The following CSMD3 variants were observed in gnomAD, a reference collection of about 807,000 sequenced individuals.
CSMD3 encodes CUB and sushi domain-containing protein 3.
A neutral mutation model predicts 435.2 loss-of-function variants in CSMD3; 177 were observed. The observed-to-expected ratio is 0.41, with a 90% CI of 0.36 to 0.46. The LOEUF (loss-of-function observed/expected upper bound fraction) is 0.46, where lower values mean the gene tolerates loss of function less well. CSMD3 is among the 20% of genes least tolerant of loss of function. The probability of loss-of-function intolerance (pLI) is 0.34; values close to 1 mark genes in which losing one functional copy is unlikely to be tolerated. For synonymous variants in CSMD3, 1,656 were observed against 1,520.5 expected, an observed-to-expected ratio of 1.09 and a Z score of -2.07; for missense variants, 4,265 against 4,504.6, an observed-to-expected ratio of 0.95 and a Z score of 1.52.
intron 6 of CSMD3, among the ~76,000 whole-genome samples, chr8:112,986,438 A>T (rs1328510956): frequency 6.6e-6 from 1 of 152,128 alleles, no homozygotes; most frequent in African/African-American, 2.4e-5. Flanking sequence ...TGATGACATC[A>T]CAAGGACATC....
intron 4 of CSMD3, among the ~76,000 whole-genome samples, chr8:113,108,810 A>G (rs918308392): frequency 5.9e-5 from 9 of 152,230 alleles, no homozygotes; most frequent in African/African-American, 2.2e-4. Context: ...ATTTTAAAGC[A>G]TTCTTGAGAG....
At chr8:112,676,665 G>T (rs2075775862) in intron 16 of CSMD3, among the ~76,000 whole-genome samples, 1 of 151,914 alleles carries the variant, frequency 6.6e-6, no homozygotes, top group African/African-American at 2.4e-5. Flanking sequence ...TATTTTAAAG[G>T]CATTCACCAA....
chr8:113,109,382 A>G (rs543916440), intron 4 of CSMD3, among the ~76,000 whole-genome samples: 1 of 152,304 alleles, frequency 6.6e-6, no homozygotes, highest in East Asian at 1.9e-4. Flanking sequence ...ATTTGTGCAG[A>G]GGCAAATTGC....
At chr8:112,602,622 C>G (rs1186735692) in intron 22 of CSMD3, among the ~76,000 whole-genome samples, 1 of 150,780 alleles carries the variant, frequency 6.6e-6, no homozygotes, top group Non-Finnish European at 1.5e-5. Flanking sequence ...TTGACTTCCC[C>G]AAAACTTAAC....
intron 5 of CSMD3, among the ~76,000 whole-genome samples, chr8:113,061,017 T>G (rs574435727): frequency 6.6e-6 from 1 of 152,320 alleles, no homozygotes; most frequent in East Asian, 1.9e-4. Context: ...TGCACTCTAT[T>G]GAGATAAGTC....
intron 13 of CSMD3, among the ~76,000 whole-genome samples, chr8:112,740,155 C>T (rs1428546356): frequency 6.6e-6 from 1 of 151,576 alleles, no homozygotes; most frequent in African/African-American, 2.4e-5. Context: ...TTTGGCATAA[C>T]TTGTTCATGG....
At chr8:112,621,623 AC>A (rs1834078592) in intron 22 of CSMD3, among the ~76,000 whole-genome samples, 1 of 151,814 alleles carries the variant, frequency 6.6e-6, no homozygotes, top group Non-Finnish European at 1.5e-5. Flanking sequence ...ATTATCCCTT[AC>A]TCCTTGAAAT....
At chr8:112,577,290 A>G (rs1216337973) in intron 23 of CSMD3, among the ~76,000 whole-genome samples, 3 of 152,134 alleles carry the variant, frequency 2.0e-5, no homozygotes, top group African/African-American at 7.2e-5. Context: ...GTGTAACCAA[A>G]GATAAATTAC....
intron 31 of CSMD3, among the ~76,000 whole-genome samples, chr8:112,480,574 TAGTG>T (rs946934050): frequency 3.9e-5 from 6 of 152,148 alleles, no homozygotes; most frequent in African/African-American, 1.4e-4. Context: ...ATCCTTGCGA[TAGTG>T]AGTGAGTTCT....
At position 112,410,624 on chromosome 8, in the gene CSMD3, A is replaced by ATATGTGTATATATATATGTATATATATG. The variant is rs752875755; in HGVS notation, c.5396-1593_5396-1592insCATATATATACATATATATATACACATA. On this transcript the variant is annotated intron_variant, in intron 32 of 70. Coordinates refer to ENST00000297405, the MANE Select transcript of CSMD3 (RefSeq NM_198123.2). ...TATGTGTATATATATATGTATATAT[A>ATATGTGTATATATATATGTATATATATG]TGTGTATATATATGTATATATATAT... is the stretch of plus-strand genomic sequence containing the variant. Among the ~76,000 whole-genome samples the ATATGTGTATATATATATGTATATATATG allele has an allele frequency of 6.2e-4, 21 of 34,114 alleles. 1 individual carries two copies. The highest frequency in any genetic ancestry group is 1.2e-3 in the Non-Finnish European group (19 of 16,006). 22.4% of individuals were successfully genotyped at this position (34,114 alleles called of 152,430 possible).
At chr8:112,539,152 G>C (rs1826421271) in intron 27 of CSMD3, 1 of 153,468 alleles carries the variant, frequency 6.5e-6, no homozygotes, top group Non-Finnish European at 1.5e-5. Context: ...CTGAATTAGA[G>C]TACTAAGTAT....
chr8:113,233,200 A>G (rs189325545), intron 3 of CSMD3, among the ~76,000 whole-genome samples: 2 of 151,790 alleles, frequency 1.3e-5, no homozygotes, highest in African/African-American at 4.8e-5. Context: ...CTCATATTCA[A>G]TTGAACTTAT....
At chr8:112,768,982 T>C (rs769815006) in intron 13 of CSMD3, among the ~76,000 whole-genome samples, 1 of 151,978 alleles carries the variant, frequency 6.6e-6, no homozygotes, top group Non-Finnish European at 1.5e-5. Context: ...TCCAATTACC[T>C]ACTCCATATG....
rs550115020 is a variant in CSMD3 at position 112,948,027 on chromosome 8, A to G, written c.1421-150T>C. 1.3e-5 allele frequency: 7 copies of G among 553,796 alleles called. No homozygotes were observed. In the Admixed American group the frequency reaches 1.9e-4, roughly 15 times the overall value. 34.3% of individuals were successfully genotyped at this position (553,796 alleles called of 1,614,324 possible). A position where few individuals can be genotyped will look rare whatever the true frequency, so the allele number is the denominator to read the frequency against. ...AGCATTTGTTAAACTATAATTTTAT[A>G]AAACAATAAAGAAAGCAAAAGCATT... is the stretch of plus-strand genomic sequence containing the variant. On this transcript the variant is annotated intron_variant, in intron 8 of 70. Coordinates refer to ENST00000297405, the MANE Select transcript of CSMD3 (RefSeq NM_198123.2).
chr8:113,154,674 G>A (rs1204085510), intron 4 of CSMD3, among the ~76,000 whole-genome samples: 1 of 151,984 alleles, frequency 6.6e-6, no homozygotes. Context: ...AAGATGCATA[G>A]TGCAGAGAGT....
At chr8:112,498,628 G>A (rs73700984) in intron 30 of CSMD3, among the ~76,000 whole-genome samples, 2,643 of 152,150 alleles carry the variant, frequency 0.017, 78 homozygotes, top group African/African-American at 0.06. Flanking sequence ...AACTTTTATC[G>A]TAGTGATATT....
chr8:113,035,689 T>C (rs1045078240), intron 5 of CSMD3, among the ~76,000 whole-genome samples: 3 of 151,954 alleles, frequency 2.0e-5, no homozygotes, highest in African/African-American at 7.2e-5. Context: ...TGTTTTTGGC[T>C]TGCCAGTCAA....
chr8:113,215,083 T>C (rs749704985), intron 3 of CSMD3, among the ~76,000 whole-genome samples: 14 of 151,912 alleles, frequency 9.2e-5, no homozygotes, highest in Non-Finnish European at 1.8e-4. Flanking sequence ...CAATCTCATA[T>C]ATTCGTAATA....
chr8:112,489,570 C>T (rs1252192741), intron 31 of CSMD3, among the ~76,000 whole-genome samples: 1 of 152,184 alleles, frequency 6.6e-6, no homozygotes, highest in Admixed American at 6.5e-5. Flanking sequence ...GTGACAGCCA[C>T]AGACCAATGT....
Sources: allele counts gnomAD v4.1 joint callset (sites outside exome capture counted in the v4.1 genomes callset), GRCh38; gene constraint gnomAD v4.1.1; transcripts MANE v1.5; gene names NCBI Gene and HGNC (gene_info 2026-07-23, HGNC 2026-07-21).